Variants in IFRD2 observed in about 807,000 individuals in gnomAD.
IFRD2 encodes interferon related developmental regulator 2, also known as interferon-related developmental regulator 2.
IFRD2 carries 35 observed loss-of-function variants against 49.2 expected under a neutral mutation model. The ratio of observed to expected loss-of-function variants is 0.71; its 90% CI spans 0.54 to 0.94. The LOEUF is 0.94. Ranked by LOEUF, IFRD2 falls within the 40% of genes least tolerant of loss-of-function variation. IFRD2 has a pLI of 0.00. For synonymous variants in IFRD2, 275 were observed against 239.7 expected (o/e 1.15, Z -1.36); for missense variants, 561 against 591.6 (o/e 0.95, Z 0.54).
At position 50,292,221 on chromosome 3, in the gene IFRD2, T is replaced by A; in HGVS notation, c.54A>T (p.Gly18=). ...NTLRKGGQRR[G]GGARSSAQAD... is the part of the protein sequence containing the mutation. ...CGCGCCCCCCACCCCACTCACCTCC[T>A]CCACGGCGCTGACCACCCTTCCGGA... The change falls in exon 1 of 12, where the codon GGA becomes GGT. Residue 18 remains glycine (G), a synonymous_variant. Coordinates refer to ENST00000417626, the MANE Select transcript of IFRD2 (RefSeq NM_006764.5). The A allele has an allele frequency of 6.8e-7, 1 of 1,476,354 alleles. No homozygotes were observed. Among genetic ancestry groups the A allele is most frequent in the South Asian group, 1.4e-5 (1 of 71,652 alleles). 91.5% of individuals were successfully genotyped at this position (1,476,354 alleles called of 1,614,324 possible).
rs781784692 is a variant in IFRD2, at chr3:50,289,929, G to C, written c.546C>G (p.His182Gln). The C allele has an allele frequency of 3.7e-6, 6 of 1,613,056 alleles. No homozygotes were observed. The highest frequency in any genetic ancestry group is 5.1e-6 in the Non-Finnish European group (6 of 1,179,592). ...TTTCATGGGGCACAGGCACACTCAC[G>C]TGGAGCCGGGCAGCAGGGCTAGCTG... is the stretch of plus-strand genomic sequence containing the variant. ...DSTASPAARL[H>Q]CASALGLGCY... Residue 182 changes from histidine to glutamine, a missense_variant and splice_region_variant, in exon 5 of 12, where the codon CAC becomes CAG. Coordinates refer to ENST00000417626, the MANE Select transcript of IFRD2 (RefSeq NM_006764.5).
In IFRD2 at chr3:50,288,941, C is replaced by T; in HGVS notation, c.886-4G>A. 1 of 1,611,610 alleles carries T rather than the reference C, an allele frequency of 6.2e-7. No homozygotes were observed. Among genetic ancestry groups the T allele is most frequent in the Non-Finnish European group, 8.5e-7 (1 of 1,178,712 alleles). On this transcript the variant is annotated splice_region_variant and splice_polypyrimidine_tract_variant and intron_variant, in intron 8 of 11. Coordinates refer to ENST00000417626, the MANE Select transcript of IFRD2 (RefSeq NM_006764.5). ...TGTCCTCGTAAACAAACTCCTCCTG[C>T]AATGGGAGCATTGGAGGGTGTGTGG...
In IFRD2 at chr3:50,290,475, G is replaced by A. The variant is rs781786080; in HGVS notation, c.179-3C>T. On this transcript the variant is annotated splice_polypyrimidine_tract_variant and splice_region_variant and intron_variant, in intron 2 of 11. Coordinates refer to ENST00000417626, the MANE Select transcript of IFRD2 (RefSeq NM_006764.5). The stretch of plus-strand genomic sequence containing the variant: ...CTGCTCATCCACGACATCCCCCCCT[G>A]CAAGGCCACCTGGTCAGCACCGCTT... The A allele has an allele frequency of 4.4e-6, 7 of 1,579,672 alleles. No individual in the cohort carries two copies. Among genetic ancestry groups the A allele is most frequent in the Middle Eastern group, 1.7e-4 (1 of 6,052 alleles).
In IFRD2 at chr3:50,292,315, G is replaced by C; in HGVS notation, c.-41C>G. The C allele has an allele frequency of 1.3e-6, 2 of 1,565,670 alleles. No individual in the cohort carries two copies. The highest frequency in any genetic ancestry group is 1.7e-6 in the Non-Finnish European group (2 of 1,157,638). Reference sequence around the variant, plus strand: ...CGGGGGGCGCGGGGTCAGGGACCCGGTGGGTGTGGGCTCCAGGCCAACGAG... The same window carrying C: ...CGGGGGGCGCGGGGTCAGGGACCCGCTGGGTGTGGGCTCCAGGCCAACGAG... On this transcript the variant is annotated 5_prime_UTR_variant, in exon 1 of 12. Transcript: ENST00000417626.
At position 50,288,115 on chromosome 3, in the gene IFRD2, G is replaced by T; in HGVS notation, c.*76C>A. On this transcript the variant is annotated 3_prime_UTR_variant, in exon 12 of 12. Transcript: ENST00000417626. ...AAATAAAGTGACAAATACTGGTGGAGACCAGTTGTTGCACTGTCTTCTGTT... is the reference window on the plus strand; with the variant it reads ...AAATAAAGTGACAAATACTGGTGGATACCAGTTGTTGCACTGTCTTCTGTT... 8.2e-7 allele frequency: 1 copy of T among 1,213,774 alleles called. No homozygotes were observed. The highest frequency in any genetic ancestry group is 1.3e-5 in the South Asian group (1 of 79,126). 75.2% of individuals were successfully genotyped at this position (1,213,774 alleles called of 1,614,324 possible). A position where few individuals can be genotyped will look rare whatever the true frequency, so the allele number is the denominator to read the frequency against.
chr3:50,290,311 A>AG lies in IFRD2; in HGVS notation c.264-18dup, dbSNP rs1458079370. 13 of 1,608,342 alleles carry AG rather than the reference A, an allele frequency of 8.1e-6. No homozygotes were observed. The highest frequency in any genetic ancestry group is 1.1e-5 in the Non-Finnish European group (13 of 1,177,260). Reference sequence around the variant, plus strand: ...GTCTTGGCACTGGGGGAGGTCGAGAAGGGGGGTCATATGGGCCAGCCCTCC... The same window carrying AG: ...GTCTTGGCACTGGGGGAGGTCGAGAAGGGGGGGTCATATGGGCCAGCCCTCC... On this transcript the variant is annotated splice_polypyrimidine_tract_variant and intron_variant, in intron 3 of 11. Coordinates refer to ENST00000417626, the MANE Select transcript of IFRD2 (RefSeq NM_006764.5).
rs782080021 is a variant in IFRD2 at position 50,288,378 on chromosome 3, G to T, written c.1248+31C>A. 3.1e-6 allele frequency: 5 copies of T among 1,606,876 alleles called. No homozygotes were observed. The Admixed American group carries it at 8.5e-5, about 27-fold the overall frequency. ...CCAGGCCTCCAGGAAATGGGAATAG[G>T]GGGAAGAGAAAGGTGCCCAAGGGTG... On this transcript the variant is annotated intron_variant, in intron 11 of 11. Coordinates refer to ENST00000417626, the MANE Select transcript of IFRD2 (RefSeq NM_006764.5).
chr3:50,290,030 G>A lies in IFRD2; in HGVS notation c.445C>T (p.Leu149=). The A allele has an allele frequency of 1.2e-6, 2 of 1,613,600 alleles. No individual in the cohort carries two copies. The highest frequency in any genetic ancestry group is 1.7e-6 in the Non-Finnish European group (2 of 1,179,756). The change falls in exon 5 of 12, where the codon CTG becomes TTG. Residue 149 remains leucine (L), a synonymous_variant. Coordinates refer to ENST00000417626, the MANE Select transcript of IFRD2 (RefSeq NM_006764.5). ...TCCTCACCCTTAGGTCCAGGGCCCA[G>A]CTGCACGCAGAGCAGGCCTAGCACA... is the stretch of plus-strand genomic sequence containing the variant. The part of the protein sequence containing the change: ...AAVLGLLCVQ[L]GPGPKGEELF...
chr3:50,290,481 C>T lies in IFRD2; in HGVS notation c.179-9G>A. The T allele has an allele frequency of 6.3e-7, 1 of 1,582,436 alleles. No individual in the cohort carries two copies. Among genetic ancestry groups the T allele is most frequent in the Non-Finnish European group, 8.6e-7 (1 of 1,163,116 alleles). On this transcript the variant is annotated splice_polypyrimidine_tract_variant and intron_variant, in intron 2 of 11. Transcript: ENST00000417626. ...ATCCACGACATCCCCCCCTGCAAGG[C>T]CACCTGGTCAGCACCGCTTCTTGTC...
At chr3:50,288,360 TC>T in intron 11 of IFRD2, 48 bp downstream of exon 11, 2 of 1,604,646 alleles carry the variant, frequency 1.2e-6, no homozygotes, top group East Asian at 4.5e-5. Context: ...ATTCCAGGCC[TC>T]CAGGAAATGG....
In IFRD2 at chr3:50,292,418, G is replaced by C. The variant is rs1553709994; in HGVS notation, c.-144C>G. 5.6e-6 allele frequency: 9 copies of C among 1,597,312 alleles called. No homozygotes were observed. Among genetic ancestry groups the C allele is most frequent in the Non-Finnish European group, 7.6e-6 (9 of 1,177,998 alleles). On this transcript the variant is annotated 5_prime_UTR_variant, in exon 1 of 12. Coordinates refer to ENST00000417626, the MANE Select transcript of IFRD2 (RefSeq NM_006764.5). ...CCACGCGCGCCACCATCTTCGCGAG[G>C]CGCCCCGCCCTGCCAAACAGGTCGC...
In IFRD2 at chr3:50,292,267, C is replaced by T; in HGVS notation, c.8G>A (p.Arg3His). The T allele has an allele frequency of 6.5e-7, 1 of 1,541,686 alleles. No individual in the cohort carries two copies. The stretch of plus-strand genomic sequence containing the variant: ...CCGGAGCGTGTTGCCCTTACGGGCG[C>T]GAGGCATGCCGGGAACCGGGCGCGG... The part of the protein sequence containing the change: MP[R>H]ARKGNTLRKG... Residue 3 changes from arginine (R) to histidine (H), a missense_variant, in exon 1 of 12, where the codon CGC (arginine) becomes CAC (histidine). Transcript: ENST00000417626.
chr3:50,288,836 C>A lies in IFRD2; in HGVS notation c.987G>T (p.Gln329His). ...GCAGCACGGCGCGGAAAGTAGAGCG[C>A]TGGCGCCGACGATCAGCCTTGGCAC... ...KYRAKADRRR[Q>H]RSTFRAVLHS... The change falls in exon 9 of 12, where the codon CAG (glutamine) becomes CAT (histidine). Residue 329 changes from glutamine to histidine, a missense_variant. Transcript: ENST00000417626. 6.2e-7 allele frequency: 1 copy of A among 1,613,486 alleles called. No homozygotes were observed. Among genetic ancestry groups the A allele is most frequent in the Non-Finnish European group, 8.5e-7 (1 of 1,179,630 alleles).
At chr3:50,291,930 T>C (rs944766835) in intron 1 of IFRD2, 10 of 451,186 alleles carry the variant, frequency 2.2e-5, no homozygotes, top group Non-Finnish European at 3.5e-5. Context: ...CTTCCTGCCC[T>C]GTCCGGTGAG....
chr3:50,288,105 T>C lies in IFRD2; in HGVS notation c.*86A>G. 1 of 1,178,432 alleles carries C rather than the reference T, an allele frequency of 8.5e-7. No individual in the cohort carries two copies. The highest frequency in any genetic ancestry group is 1.2e-6 in the Non-Finnish European group (1 of 806,296). 73.0% of individuals were successfully genotyped at this position (1,178,432 alleles called of 1,614,324 possible). ...TCATTAAAAAAAATAAAGTGACAAA[T>C]ACTGGTGGAGACCAGTTGTTGCACT... On this transcript the variant is annotated 3_prime_UTR_variant, in exon 12 of 12. Coordinates refer to ENST00000417626, the MANE Select transcript of IFRD2 (RefSeq NM_006764.5).
chr3:50,288,119 A>G lies in IFRD2; in HGVS notation c.*72T>C. The stretch of plus-strand genomic sequence containing the variant: ...AAAGTGACAAATACTGGTGGAGACC[A>G]GTTGTTGCACTGTCTTCTGTTAAAA... On this transcript the variant is annotated 3_prime_UTR_variant, in exon 12 of 12. Transcript: ENST00000417626. 2 of 1,253,062 alleles carry G rather than the reference A, an allele frequency of 1.6e-6. No individual in the cohort carries two copies. The highest frequency in any genetic ancestry group is 2.5e-5 in the South Asian group (2 of 80,430). 77.6% of individuals were successfully genotyped at this position (1,253,062 alleles called of 1,614,324 possible). A position where few individuals can be genotyped will look rare whatever the true frequency, so the allele number is the denominator to read the frequency against.
chr3:50,289,348 C>T lies in IFRD2; in HGVS notation c.792G>A (p.Arg264=), dbSNP rs1553709233. ...ISHILDRQLP[R]LPQLLSSESV... is the part of the protein sequence containing the mutation. The stretch of plus-strand genomic sequence containing the variant: ...TTTCACTGGACAAGAGCTGGGGCAG[C>T]CGGGGCAGCTGCCTAGGGAAGGGGC... Residue 264 remains arginine, a synonymous_variant, in exon 8 of 12, where the codon CGG becomes CGA. Coordinates refer to ENST00000417626, the MANE Select transcript of IFRD2 (RefSeq NM_006764.5). The T allele has an allele frequency of 6.3e-7, 1 of 1,598,400 alleles. No individual in the cohort carries two copies. The highest frequency in any genetic ancestry group is 1.7e-5 in the Admixed American group (1 of 57,632).
chr3:50,287,842 T>G lies in IFRD2; in HGVS notation c.*349A>C. 3 of 285,902 alleles carry G rather than the reference T, an allele frequency of 1.0e-5. No homozygotes were observed. Among genetic ancestry groups the G allele is most frequent in the Non-Finnish European group, 1.3e-5 (2 of 149,344 alleles). The allele number at this position is 285,902 out of a possible 1,614,324, so 17.7% of individuals were successfully genotyped here. Reference sequence around the variant, plus strand: ...TGCCACCCCACCTGCTGTGGTGGCATTTGTCCAGATGCCACCACCCCCCTA... The same window carrying G: ...TGCCACCCCACCTGCTGTGGTGGCAGTTGTCCAGATGCCACCACCCCCCTA... On this transcript the variant is annotated 3_prime_UTR_variant, in exon 12 of 12. Transcript: ENST00000417626.
chr3:50,289,584 C>A lies in IFRD2; in HGVS notation c.642G>T (p.Arg214=), dbSNP rs1365137513. 1 of 1,590,178 alleles carries A rather than the reference C, an allele frequency of 6.3e-7. No homozygotes were observed. Among genetic ancestry groups the A allele is most frequent in the Non-Finnish European group, 8.6e-7 (1 of 1,168,804 alleles). ...CLACLESVFS[R]FYGLGGSSTS... is the part of the protein sequence containing the mutation. ...TGGAGCTGCCCCCCAAGCCATAGAA[C>A]CGGCTGAAAACACTTTCTAAGCAGG... Residue 214 remains arginine, a synonymous_variant, in exon 7 of 12, where the codon CGG becomes CGT. Transcript: ENST00000417626.
Sources: gnomAD v4.1 joint callset for allele counts on GRCh38, gnomAD v4.1.1 for gene constraint, MANE v1.5 for transcripts, NCBI Gene and HGNC (gene_info 2026-07-23, HGNC 2026-07-21) for gene names.